PTPRD: variants seen among roughly 807,000 people sequenced by gnomAD.
The protein encoded by PTPRD is protein tyrosine phosphatase receptor type D, also known as receptor-type tyrosine-protein phosphatase delta.
A neutral mutation model predicts 214.5 loss-of-function variants in PTPRD; 34 were observed. The observed-to-expected ratio is 0.16, with a 90% CI of 0.12 to 0.21. The LOEUF (loss-of-function observed/expected upper bound fraction) is 0.21. Among genes scored for constraint, PTPRD ranks in the 10% least tolerant of loss-of-function variants. The pLI is 1.00. For synonymous variants in PTPRD, 1,128 were observed against 845.7 expected, an observed-to-expected ratio of 1.33 and a Z score of -5.79; for missense variants, 2,545 against 2,398.7, an observed-to-expected ratio of 1.06 and a Z score of -1.27.
At position 9,920,787 on chromosome 9, in the gene PTPRD, A is replaced by G. The variant is rs1381220828; in HGVS notation, c.-368+17720T>C. Among the ~76,000 whole-genome samples, 4 of 152,154 alleles carry G rather than the reference A, an allele frequency of 2.6e-5. No homozygotes were observed. In the East Asian group the frequency reaches 5.8e-4, roughly 22 times the overall value. On this transcript the variant is annotated intron_variant, in intron 5 of 45. Transcript: ENST00000381196. Reference sequence around the variant, plus strand: ...CAGAATTCTGATGTCCAGAAAATGTAGATGCCAGCATTATTTAAAAACTGA... The same window carrying G: ...CAGAATTCTGATGTCCAGAAAATGTGGATGCCAGCATTATTTAAAAACTGA...
intron 2 of PTPRD, among the ~76,000 whole-genome samples, chr9:10,543,477 TATAC>T (rs1157584411): frequency 0.011 from 1,505 of 141,382 alleles, 26 homozygotes; most frequent in African/African-American, 0.037. Context: ...AATATATATA[TATAC>T]ACACACACAC....
rs538429623 is a variant in PTPRD at position 9,143,498 on chromosome 9, C to A, written c.-143+39806G>T. On this transcript the variant is annotated intron_variant, in intron 10 of 45. Transcript: ENST00000381196. ...AAGATCAGGCATTGAAAGGGAGCCC[C>A]TTTAAATTAAAATTATTGATGAAAA... 5.9e-5 allele frequency among the ~76,000 whole-genome samples: 9 copies of A among 152,216 alleles called. No homozygotes were observed. The South Asian group carries it at 1.9e-3, about 32-fold the overall frequency.
Position 8,877,554 on chromosome 9 carries a change from T to C in PTPRD, c.-104+141143A>G, listed in dbSNP as rs574723316. Among the ~76,000 whole-genome samples, 4 of 152,346 alleles carry C rather than the reference T, an allele frequency of 2.6e-5. No homozygotes were observed. In the South Asian group the frequency reaches 6.2e-4, roughly 24 times the overall value. ...ATATTATCTTTTTGTTATTTTGGTC[T>C]TTTGATGTTTCTTATTTTCTGGCAA... is the stretch of plus-strand genomic sequence containing the variant. On this transcript the variant is annotated intron_variant, in intron 11 of 45. Transcript: ENST00000381196.
chr9:9,019,311 AGAAAGAAAGAAAGAAAGAAAGAAAGAAC>A (rs879938677), intron 10 of PTPRD, among the ~76,000 whole-genome samples: 1,147 of 112,206 alleles, frequency 0.01, 18 homozygotes, highest in African/African-American at 0.021. Context: ...AAAGAAAGAA[AGAAAGAAAGAAAGAAAGAAAGAAAGAAC>A]GAAAGAAAGA....
At chr9:10,460,021 GT>G (rs1433463845) in intron 2 of PTPRD, among the ~76,000 whole-genome samples, 1 of 151,964 alleles carries the variant, frequency 6.6e-6, no homozygotes, top group Non-Finnish European at 1.5e-5. Flanking sequence ...CATTCATAAT[GT>G]TGTGTAGTCA....
At chr9:9,287,389 T>A (rs770873516) in intron 9 of PTPRD, among the ~76,000 whole-genome samples, 2 of 151,938 alleles carry the variant, frequency 1.3e-5, no homozygotes, top group Non-Finnish European at 2.9e-5. Flanking sequence ...ATCAGTACTA[T>A]AAAATTTTAG....
intron 12 of PTPRD, among the ~76,000 whole-genome samples, chr9:8,689,223 TA>T (rs1444389302): frequency 6.6e-6 from 1 of 151,984 alleles, no homozygotes; most frequent in Admixed American, 6.5e-5. Context: ...AAAATAAAAA[TA>T]AAAAATAAAC....
At chr9:10,420,581 C>T (rs1234595525) in intron 2 of PTPRD, among the ~76,000 whole-genome samples, 1 of 151,708 alleles carries the variant, frequency 6.6e-6, no homozygotes. Context: ...GATTAAAGGG[C>T]CAGGAGTAAA....
At chr9:9,342,956 C>T (rs1236428847) in intron 9 of PTPRD, among the ~76,000 whole-genome samples, 2 of 152,046 alleles carry the variant, frequency 1.3e-5, no homozygotes, top group Non-Finnish European at 2.9e-5. Context: ...TTGTTCAACT[C>T]CCACTTATGA....
chr9:10,003,514 G>C (rs2096387424), intron 4 of PTPRD, among the ~76,000 whole-genome samples: 1 of 151,688 alleles, frequency 6.6e-6, no homozygotes, highest in Non-Finnish European at 1.5e-5. Context: ...AAAGGGCCGA[G>C]ATGGTATAAG....
At chr9:9,808,078 G>C (rs76033909) in intron 5 of PTPRD, among the ~76,000 whole-genome samples, 1 of 152,114 alleles carries the variant, frequency 6.6e-6, no homozygotes, top group Non-Finnish European at 1.5e-5. Flanking sequence ...GAGAATATAT[G>C]AATATATGAG....
At chr9:8,734,762 C>T (rs2098699491) in intron 11 of PTPRD, among the ~76,000 whole-genome samples, 1 of 152,160 alleles carries the variant, frequency 6.6e-6, no homozygotes, top group Non-Finnish European at 1.5e-5. Context: ...GAAAATAAAG[C>T]AGGTACACCA....
At chr9:9,042,621 T>C (rs1474361600) in intron 10 of PTPRD, among the ~76,000 whole-genome samples, 4 of 80,512 alleles carry the variant, frequency 5.0e-5, no homozygotes, top group Admixed American at 3.5e-4. Flanking sequence ...TTTCTTTTCT[T>C]TTTTTTTTTT....
intron 10 of PTPRD, among the ~76,000 whole-genome samples, chr9:9,103,855 ACCTGTATTC>A (rs2099794776): frequency 6.6e-6 from 1 of 151,988 alleles, no homozygotes; most frequent in Non-Finnish European, 1.5e-5. Flanking sequence ...GGTGATGTGC[ACCTGTATTC>A]CCAGATACCC....
chr9:10,588,392 A>G (rs2074482187), intron 2 of PTPRD, among the ~76,000 whole-genome samples: 1 of 149,984 alleles, frequency 6.7e-6, no homozygotes, highest in African/African-American at 2.4e-5. Flanking sequence ...CAAACAGTCA[A>G]TGTGGGACCA....
intron 11 of PTPRD, among the ~76,000 whole-genome samples, chr9:8,919,313 A>C (rs1004720366): frequency 2.6e-5 from 4 of 151,576 alleles, no homozygotes; most frequent in African/African-American, 9.7e-5. Flanking sequence ...GAATCGCTTG[A>C]ACCTGGGGGG....
chr9:8,633,420 T>C lies in PTPRD; in HGVS notation c.249A>G (p.Arg83=), dbSNP rs1418015401. ...EFDDGSGSVL[R]IQPLRTPRDE... The stretch of plus-strand genomic sequence containing the variant: ...CCCTCGGAGTCCGTAAGGGTTGTAT[T>C]CTGAGAACTGATCCAGACCCATCGT... The change falls in exon 14 of 46, where the codon AGA becomes AGG. Residue 83 remains arginine (R), a synonymous_variant. Coordinates refer to ENST00000381196, the MANE Select transcript of PTPRD (RefSeq NM_002839.4). 6.2e-7 allele frequency: 1 copy of C among 1,612,782 alleles called. No homozygotes were observed.
intron 7 of PTPRD, among the ~76,000 whole-genome samples, chr9:9,624,454 T>G (rs914240283): frequency 6.6e-6 from 1 of 151,978 alleles, no homozygotes; most frequent in Non-Finnish European, 1.5e-5. Context: ...GGCTAATTTT[T>G]TTTTTGTATT....
intron 9 of PTPRD, among the ~76,000 whole-genome samples, chr9:9,280,801 C>A (rs1396018196): frequency 2.0e-5 from 3 of 151,026 alleles, no homozygotes; most frequent in Non-Finnish European, 4.4e-5. Flanking sequence ...TATGAAGTGG[C>A]AAAAGACCCA....
Sources: allele counts gnomAD v4.1 joint callset (sites outside exome capture counted in the v4.1 genomes callset), GRCh38; gene constraint gnomAD v4.1.1; transcripts MANE v1.5; gene names NCBI Gene and HGNC (gene_info 2026-07-23, HGNC 2026-07-21).